Variants in PLXDC2 observed in about 807,000 individuals in gnomAD.
The protein encoded by PLXDC2 is plexin domain containing 2.
PLXDC2 carries 40 observed loss-of-function variants against 68.9 expected under a neutral mutation model. The ratio of observed to expected loss-of-function variants is 0.58; its 90% CI spans 0.45 to 0.76. The LOEUF (loss-of-function observed/expected upper bound fraction) is 0.76, where lower values mean the gene tolerates loss of function less well. Among genes scored for constraint, PLXDC2 ranks in the 30% least tolerant of loss-of-function variants. The pLI is 0.00. For missense variants in PLXDC2, 644 were observed against 661.9 expected (o/e 0.97, Z 0.30); for synonymous variants, 243 against 234.2 (o/e 1.04, Z -0.34).
chr10:19,883,884 C>CTTTTTTTTTTTTTTTTTTTTTTTTTTTTT (rs397846779), intron 1 of PLXDC2, among the ~76,000 whole-genome samples: 6 of 55,106 alleles, frequency 1.1e-4, no homozygotes, highest in Middle Eastern at 0.011. Flanking sequence ...TCCCTTTAAA[C>CTTTTTTTTTTTTTTTTTTTTTTTTTTTTT]TTTTTTTTTT....
intron 6 of PLXDC2, among the ~76,000 whole-genome samples, chr10:20,162,909 C>CAAAAAAAAAAAA (rs71390763): frequency 7.1e-5 from 7 of 97,980 alleles, no homozygotes; most frequent in African/African-American, 2.0e-4. Flanking sequence ...ACTAAAAATA[C>CAAAAAAAAAAAA]AAAAAAAAAA....
chr10:20,033,371 G>A (rs1455547957), intron 2 of PLXDC2, among the ~76,000 whole-genome samples: 1 of 151,878 alleles, frequency 6.6e-6, no homozygotes, highest in Non-Finnish European at 1.5e-5. Flanking sequence ...TTACATAAGG[G>A]GATGCTGAAA....
At chr10:20,012,551 C>T (rs1835138774) in intron 2 of PLXDC2, among the ~76,000 whole-genome samples, 1 of 151,460 alleles carries the variant, frequency 6.6e-6, no homozygotes, top group Admixed American at 6.6e-5. Flanking sequence ...GTCTCACACT[C>T]CTGACCTCAG....
chr10:20,094,609 T>C (rs931246146), intron 4 of PLXDC2, among the ~76,000 whole-genome samples: 1 of 152,186 alleles, frequency 6.6e-6, no homozygotes, highest in African/African-American at 2.4e-5. Context: ...TAGAAAGTTA[T>C]AGAGGCTGTT....
intron 1 of PLXDC2, among the ~76,000 whole-genome samples, chr10:19,909,003 T>G (rs912503512): frequency 6.6e-6 from 1 of 152,224 alleles, no homozygotes; most frequent in African/African-American, 2.4e-5. Context: ...AAGGAACTTA[T>G]ACACTAGCAA....
rs144313623 is a variant in PLXDC2 at position 20,035,998 on chromosome 10, G to A, written c.325-10871G>A. On this transcript the variant is annotated intron_variant, in intron 2 of 13. Coordinates refer to ENST00000377252, the MANE Select transcript of PLXDC2 (RefSeq NM_032812.9). Reference sequence around the variant, plus strand: ...CAGATAACTGTGGATTTTTCCAAAAGCCTCCTTATATTAGAAAGCTTGAAT... The same window carrying A: ...CAGATAACTGTGGATTTTTCCAAAAACCTCCTTATATTAGAAAGCTTGAAT... 9.0e-4 allele frequency among the ~76,000 whole-genome samples: 137 copies of A among 152,274 alleles called. 1 individual carries two copies. The South Asian group carries it at 9.7e-3, about 11-fold the overall frequency.
intron 9 of PLXDC2, among the ~76,000 whole-genome samples, chr10:20,197,816 G>A (rs1252393627): frequency 1.3e-5 from 2 of 152,042 alleles, no homozygotes; most frequent in Non-Finnish European, 2.9e-5. Flanking sequence ...TTTCTAAAGA[G>A]GTTGAAGATC....
chr10:20,261,470 T>G (rs1011065437), intron 13 of PLXDC2, among the ~76,000 whole-genome samples: 4 of 152,204 alleles, frequency 2.6e-5, no homozygotes, highest in Non-Finnish European at 5.9e-5. Context: ...TAAACCAACC[T>G]TCCTTCTAAA....
intron 9 of PLXDC2, among the ~76,000 whole-genome samples, chr10:20,195,309 G>C (rs557998651): frequency 1.1e-3 from 163 of 152,160 alleles, no homozygotes; most frequent in Non-Finnish European, 2.1e-3. Flanking sequence ...ATTCATGCAT[G>C]TTTTCCTGGT....
intron 1 of PLXDC2, among the ~76,000 whole-genome samples, chr10:19,890,408 C>T (rs1555871): frequency 0.22 from 33,192 of 151,996 alleles, 3,921 homozygotes; most frequent in South Asian, 0.29. Flanking sequence ...TTCTTCCCTC[C>T]GCTCCCTAGT....
chr10:20,238,504 A>G (rs780095775), intron 12 of PLXDC2, among the ~76,000 whole-genome samples: 23 of 150,104 alleles, frequency 1.5e-4, no homozygotes, highest in Non-Finnish European at 3.0e-4. Context: ...AAAATTAGCC[A>G]GGCATGGCAG....
intron 1 of PLXDC2, among the ~76,000 whole-genome samples, chr10:19,873,703 A>C (rs1402099328): frequency 6.6e-6 from 1 of 152,134 alleles, no homozygotes; most frequent in Non-Finnish European, 1.5e-5. Flanking sequence ...ATCTTATAAA[A>C]CGTTATATAA....
At chr10:19,857,986 C>G (rs1361707235) in intron 1 of PLXDC2, among the ~76,000 whole-genome samples, 1 of 152,126 alleles carries the variant, frequency 6.6e-6, no homozygotes, top group African/African-American at 2.4e-5. Flanking sequence ...GTTTGACTTA[C>G]ATAAATATGT....
chr10:19,970,901 G>A (rs960737468), intron 1 of PLXDC2, among the ~76,000 whole-genome samples: 3 of 152,094 alleles, frequency 2.0e-5, no homozygotes, highest in East Asian at 1.9e-4. Flanking sequence ...GACTAAACAT[G>A]TTCTTCCGTG....
At chr10:19,911,458 A>G (rs980891420) in intron 1 of PLXDC2, among the ~76,000 whole-genome samples, 3 of 152,300 alleles carry the variant, frequency 2.0e-5, no homozygotes, top group South Asian at 2.1e-4. Flanking sequence ...GTTTTGCCAT[A>G]TAAAATTTCC....
intron 4 of PLXDC2, among the ~76,000 whole-genome samples, chr10:20,090,957 A>G (rs575490777): frequency 3.9e-5 from 6 of 152,292 alleles, no homozygotes; most frequent in Admixed American, 2.0e-4. Flanking sequence ...AATGAATACA[A>G]TTTCAGCCAC....
intron 1 of PLXDC2, among the ~76,000 whole-genome samples, chr10:19,905,082 G>A (rs1254702415): frequency 6.6e-6 from 1 of 152,210 alleles, no homozygotes; most frequent in East Asian, 1.9e-4. Flanking sequence ...TTGATTTTAA[G>A]GTGTAGGCAT....
At chr10:19,882,672 T>A (rs1234961517) in intron 1 of PLXDC2, among the ~76,000 whole-genome samples, 2 of 152,206 alleles carry the variant, frequency 1.3e-5, no homozygotes, top group Non-Finnish European at 2.9e-5. Context: ...GAACTTGGAT[T>A]CAAAGAAACA....
chr10:20,122,583 G>A (rs946867323), intron 4 of PLXDC2, among the ~76,000 whole-genome samples: 1 of 152,214 alleles, frequency 6.6e-6, no homozygotes, highest in African/African-American at 2.4e-5. Flanking sequence ...TGGGCTGCAG[G>A]CATTCCTTGG....
Sources: allele counts gnomAD v4.1 joint callset (sites outside exome capture counted in the v4.1 genomes callset), GRCh38; gene constraint gnomAD v4.1.1; transcripts MANE v1.5; gene names NCBI Gene and HGNC (gene_info 2026-07-23, HGNC 2026-07-21).